LRIG3: variants seen among roughly 807,000 people sequenced by gnomAD.
The protein encoded by LRIG3 is leucine rich repeats and immunoglobulin like domains 3.
Under a neutral mutation model 114.5 loss-of-function variants are expected in LRIG3, and 76 were observed. That is an observed-to-expected ratio of 0.66 (90% CI 0.55 to 0.80). LRIG3 has a LOEUF of 0.80. Ranked by LOEUF, LRIG3 falls within the 30% of genes least tolerant of loss-of-function variation. The pLI is 0.00. For synonymous variants in LRIG3, 512 were observed against 519.8 expected (o/e 0.98, Z 0.20); for missense variants, 1,239 against 1,382.8 (o/e 0.90, Z 1.65).
intron 5 of LRIG3, among the ~76,000 whole-genome samples, chr12:58,889,672 T>C (rs912237391): frequency 6.6e-6 from 1 of 152,132 alleles, no homozygotes; most frequent in African/African-American, 2.4e-5. Context: ...GTTGCCGGTA[T>C]TATTCTCATA....
intron 3 of LRIG3, among the ~76,000 whole-genome samples, chr12:58,902,968 A>C (rs1213946303): frequency 2.0e-5 from 3 of 152,068 alleles, no homozygotes; most frequent in Admixed American, 1.3e-4. Flanking sequence ...CCAGTCTATC[A>C]TTGTTGGACA....
intron 8 of LRIG3, among the ~76,000 whole-genome samples, chr12:58,887,445 T>C (rs1414794842): frequency 6.6e-6 from 1 of 152,206 alleles, no homozygotes; most frequent in African/African-American, 2.4e-5. Context: ...CCTTGCCCTT[T>C]GTAGACCTTT....
chr12:58,874,722 T>A (rs1170346547), intron 16 of LRIG3, 149 bp from the exon 17 acceptor site: 7 of 947,512 alleles, frequency 7.4e-6, no homozygotes, highest in African/African-American at 3.3e-5. Flanking sequence ...AGTAGGGTTT[T>A]AAAAAATTTA....
Position 58,920,420 on chromosome 12 carries a change from C to G in LRIG3, c.-185G>C, listed in dbSNP as rs1017506579. 4.2e-5 allele frequency: 18 copies of G among 426,822 alleles called. No homozygotes were observed. The South Asian group carries it at 1.3e-3, about 31-fold the overall frequency. The allele number at this position is 426,822 out of a possible 1,614,324, so 26.4% of individuals were successfully genotyped here. A position where few individuals can be genotyped will look rare whatever the true frequency, so the allele number is the denominator to read the frequency against. ...GAAGCCCTTTCATGCCCCCAAACAG[C>G]AGGAGGGAAACCGAAAAGAACTGCC... is the stretch of plus-strand genomic sequence containing the variant. On this transcript the variant is annotated 5_prime_UTR_variant, in exon 1 of 19. Coordinates refer to ENST00000320743, the MANE Select transcript of LRIG3 (RefSeq NM_153377.5).
chr12:58,918,448 G>A (rs76339946), intron 1 of LRIG3, among the ~76,000 whole-genome samples: 8,902 of 152,134 alleles, frequency 0.059, 348 homozygotes, highest in South Asian at 0.093. Context: ...AAAAAGTACT[G>A]CACACTAGCA....
intron 18 of LRIG3, 42 bp from the exon 19 acceptor site, chr12:58,872,858 A>G: frequency 1.9e-6 from 3 of 1,583,816 alleles, no homozygotes; most frequent in South Asian, 1.1e-5. Context: ...TCCCTTTGCT[A>G]GCATGTGAAT....
chr12:58,914,499 A>G (rs1327508731), intron 1 of LRIG3, 163 bp from the exon 2 acceptor site: 11 of 564,862 alleles, frequency 1.9e-5, no homozygotes, highest in Non-Finnish European at 3.4e-5. Flanking sequence ...ACTCAAAAAT[A>G]CAAGCTCCAA....
chr12:58,882,690 C>A (rs1040012335), intron 12 of LRIG3, among the ~76,000 whole-genome samples, 179 bp downstream of exon 12: 1 of 152,208 alleles, frequency 6.6e-6, no homozygotes, highest in African/African-American at 2.4e-5. Context: ...TTTTAGAAAA[C>A]TCTCTTTCCC....
intron 1 of LRIG3, chr12:58,919,350 A>T: frequency 6.5e-7 from 1 of 1,544,634 alleles, no homozygotes. Context: ...CACGCCCTTG[A>T]TTCTGGATAA....
chr12:58,872,396 C>A lies in LRIG3; in HGVS notation c.*176G>T. The stretch of plus-strand genomic sequence containing the variant: ...TAAAAAGGTATTCTTATATGAGCAT[C>A]ATTCCCAGTATAAAAATTTTCATAA... On this transcript the variant is annotated 3_prime_UTR_variant, in exon 19 of 19. Coordinates refer to ENST00000320743, the MANE Select transcript of LRIG3 (RefSeq NM_153377.5). 1.9e-6 allele frequency: 1 copy of A among 533,024 alleles called. No individual in the cohort carries two copies. Among genetic ancestry groups the A allele is most frequent in the Non-Finnish European group, 3.0e-6 (1 of 338,062 alleles). 33.0% of individuals were successfully genotyped at this position (533,024 alleles called of 1,614,324 possible).
chr12:58,895,785 C>T (rs1350698569), intron 3 of LRIG3, among the ~76,000 whole-genome samples: 2 of 152,208 alleles, frequency 1.3e-5, no homozygotes, highest in Non-Finnish European at 2.9e-5. Context: ...AGGCTCCTAA[C>T]TTCATGCAGG....
Position 58,887,779 on chromosome 12 carries a change from T to C in LRIG3, c.1091+10A>G. On this transcript the variant is annotated intron_variant, in intron 8 of 18. Transcript: ENST00000320743. ...ACGTTCGAGTACTGACAGCAAAACGTGTAACTTACAAAGTCTTTAAACTGG... is the reference window on the plus strand; with the variant it reads ...ACGTTCGAGTACTGACAGCAAAACGCGTAACTTACAAAGTCTTTAAACTGG... The C allele has an allele frequency of 6.2e-7, 1 of 1,612,310 alleles. No homozygotes were observed.
Position 58,872,814 on chromosome 12 carries a change from TACCTGAAAGAAAGAA to T in LRIG3, c.3116-13_3117del. 1 of 1,609,476 alleles carries T rather than the reference TACCTGAAAGAAAGAA, an allele frequency of 6.2e-7. No homozygotes were observed. The highest frequency in any genetic ancestry group is 8.5e-7 in the Non-Finnish European group (1 of 1,177,138). On this transcript the variant is annotated splice_acceptor_variant and splice_polypyrimidine_tract_variant and coding_sequence_variant and intron_variant, in exon 19 of 19. Transcript: ENST00000320743. LOFTEE classifies it high-confidence loss of function. ...GGTCTCCTGAGAGCTTTTCCAAAGG[TACCTGAAAGAAAGAA>T]ACACCTTGAGCACATGGGTCCCTTT...
chr12:58,901,451 C>T (rs965967648), intron 3 of LRIG3, among the ~76,000 whole-genome samples: 7 of 152,154 alleles, frequency 4.6e-5, no homozygotes, highest in Non-Finnish European at 8.8e-5. Context: ...TCCAGTATAA[C>T]AGCCATTAGT....
Position 58,885,862 on chromosome 12 carries a change from C to A in LRIG3, c.1213G>T (p.Ala405Ser). The change falls in exon 10 of 19, where the codon GCC becomes TCC. Residue 405 changes from alanine (A) to serine (S), a missense_variant. By Grantham distance (99) the Ala-to-Ser change is moderately conservative. Coordinates refer to ENST00000320743, the MANE Select transcript of LRIG3 (RefSeq NM_153377.5). ...TCCAATGCATCCAAACCAGTGAAGGCTTTTTTAGTAATAGAACGGATCCGA... is the reference window on the plus strand; with the variant it reads ...TCCAATGCATCCAAACCAGTGAAGGATTTTTTAGTAATAGAACGGATCCGA... ...GNRIRSITKK[A>S]FTGLDALEHL... The A allele has an allele frequency of 6.3e-7, 1 of 1,591,168 alleles. No individual in the cohort carries two copies. The highest frequency in any genetic ancestry group is 8.6e-7 in the Non-Finnish European group (1 of 1,165,664).
chr12:58,912,775 A>T (rs1333581886), intron 3 of LRIG3, among the ~76,000 whole-genome samples: 1 of 152,252 alleles, frequency 6.6e-6, no homozygotes, highest in Non-Finnish European at 1.5e-5. Context: ...ATAGCTGCAG[A>T]TGTTTACGAT....
At chr12:58,884,599 G>C (rs554958006) in intron 10 of LRIG3, among the ~76,000 whole-genome samples, 2 of 152,158 alleles carry the variant, frequency 1.3e-5, no homozygotes, top group Non-Finnish European at 2.9e-5. Flanking sequence ...CTGCAATGTT[G>C]GTCTGCCCTT....
intron 10 of LRIG3, among the ~76,000 whole-genome samples, chr12:58,884,656 G>A (rs774789884): frequency 2.0e-5 from 3 of 152,088 alleles, no homozygotes; most frequent in Non-Finnish European, 2.9e-5. Flanking sequence ...TTGAACTGCC[G>A]CACTCACTGT....
intron 8 of LRIG3, among the ~76,000 whole-genome samples, chr12:58,887,357 A>G (rs960308224): frequency 5.9e-5 from 9 of 152,208 alleles, no homozygotes; most frequent in Non-Finnish European, 1.0e-4. Context: ...TTCAAAGGTC[A>G]ATTAATTTAA....
Sources: gnomAD v4.1 joint callset for allele counts (sites outside exome capture counted in the v4.1 genomes callset) on GRCh38, gnomAD v4.1.1 for gene constraint, MANE v1.5 for transcripts, NCBI Gene and HGNC (gene_info 2026-07-23, HGNC 2026-07-21) for gene names.